HCN1: variants seen among roughly 807,000 people sequenced by gnomAD.
HCN1 encodes hyperpolarization activated cyclic nucleotide gated potassium channel 1, also known as potassium/sodium hyperpolarization-activated cyclic nucleotide-gated channel 1.
HCN1 carries 13 observed loss-of-function variants against 78.9 expected under a neutral mutation model. The ratio of observed to expected loss-of-function variants is 0.16; its 90% CI spans 0.11 to 0.26. The LOEUF is 0.26. Among genes scored for constraint, HCN1 ranks in the 10% least tolerant of loss-of-function variants. The probability of loss-of-function intolerance (pLI) is 1.00; values close to 1 mark genes in which losing one functional copy is unlikely to be tolerated. For missense variants in HCN1, 810 were observed against 1,154.3 expected (o/e 0.70, Z 4.32); for synonymous variants, 552 against 455.5 (o/e 1.21, Z -2.70).
At chr5:45,417,767 A>AC (rs1740146517) in intron 3 of HCN1, among the ~76,000 whole-genome samples, 1 of 149,886 alleles carries the variant, frequency 6.7e-6, no homozygotes, top group African/African-American at 2.4e-5. Context: ...AAAAAAAAAA[A>AC]AAAAAAAAAA....
chr5:45,477,319 A>G (rs925813343), intron 2 of HCN1, among the ~76,000 whole-genome samples: 2 of 152,190 alleles, frequency 1.3e-5, no homozygotes, highest in South Asian at 2.1e-4. Flanking sequence ...ATTGAGGAAG[A>G]CAATATAATC....
intron 2 of HCN1, among the ~76,000 whole-genome samples, chr5:45,497,775 G>A (rs1170354319): frequency 6.6e-6 from 1 of 152,206 alleles, no homozygotes; most frequent in African/African-American, 2.4e-5. Context: ...TTTTAGGGCA[G>A]GCCTGGTGGT....
At chr5:45,437,785 A>G (rs1315236633) in intron 3 of HCN1, among the ~76,000 whole-genome samples, 1 of 152,210 alleles carries the variant, frequency 6.6e-6, no homozygotes, top group African/African-American at 2.4e-5. Flanking sequence ...TTAAAAGAAT[A>G]CTTTATTATT....
chr5:45,477,793 A>G (rs1741549469), intron 2 of HCN1, among the ~76,000 whole-genome samples: 1 of 152,198 alleles, frequency 6.6e-6, no homozygotes, highest in Non-Finnish European at 1.5e-5. Context: ...ATAAGCCAAT[A>G]AAAGTATAAA....
intron 4 of HCN1, among the ~76,000 whole-genome samples, chr5:45,371,047 TG>T (rs369776033): frequency 1.2e-3 from 177 of 152,112 alleles, no homozygotes; most frequent in African/African-American, 4.2e-3. Context: ...GGACATATAT[TG>T]GGTAAACTGT....
At chr5:45,311,298 T>G (rs890717579) in intron 5 of HCN1, among the ~76,000 whole-genome samples, 1 of 152,170 alleles carries the variant, frequency 6.6e-6, no homozygotes, top group South Asian at 2.1e-4. Context: ...TATTATTACA[T>G]AATTTATATA....
chr5:45,639,399 AT>A (rs1030295036), intron 2 of HCN1, among the ~76,000 whole-genome samples: 2 of 152,218 alleles, frequency 1.3e-5, no homozygotes, highest in African/African-American at 4.8e-5. Flanking sequence ...CAGTTTAAAT[AT>A]TTCAGATAAC....
intron 3 of HCN1, among the ~76,000 whole-genome samples, chr5:45,425,634 A>C (rs923895763): frequency 6.6e-6 from 1 of 152,212 alleles, no homozygotes; most frequent in South Asian, 2.1e-4. Flanking sequence ...GTAAAGGACT[A>C]AGTAATGAAG....
At chr5:45,633,481 C>T (rs931639999) in intron 2 of HCN1, among the ~76,000 whole-genome samples, 1 of 151,860 alleles carries the variant, frequency 6.6e-6, no homozygotes, top group African/African-American at 2.4e-5. Flanking sequence ...TCCAGTGGAG[C>T]CAAAATGTGG....
At chr5:45,472,676 A>G (rs1741416813) in intron 2 of HCN1, among the ~76,000 whole-genome samples, 2 of 151,808 alleles carry the variant, frequency 1.3e-5, no homozygotes, top group African/African-American at 4.8e-5. Flanking sequence ...CCCAGTTCAG[A>G]AACATTTGGT....
intron 5 of HCN1, among the ~76,000 whole-genome samples, chr5:45,327,453 A>C (rs888470220): frequency 1.3e-5 from 2 of 151,674 alleles, no homozygotes; most frequent in Non-Finnish European, 3.0e-5. Context: ...ACACAATTCA[A>C]ACATAACAAT....
intron 2 of HCN1, among the ~76,000 whole-genome samples, chr5:45,623,778 A>G (rs1349473818): frequency 2.0e-5 from 3 of 152,226 alleles, no homozygotes; most frequent in African/African-American, 7.2e-5. Context: ...AGAGAGAGAA[A>G]CAAATGTATA....
chr5:45,539,669 G>A (rs1743050855), intron 2 of HCN1, among the ~76,000 whole-genome samples: 2 of 147,826 alleles, frequency 1.4e-5, no homozygotes, highest in Middle Eastern at 3.6e-3. Context: ...TGTCTCAAAA[G>A]AAAAGAAAGA....
At chr5:45,356,808 G>C (rs189823934) in intron 4 of HCN1, among the ~76,000 whole-genome samples, 18 of 151,962 alleles carry the variant, frequency 1.2e-4, no homozygotes, top group African/African-American at 4.3e-4. Flanking sequence ...ACAATGTAAA[G>C]GTAGATTATA....
At chr5:45,599,146 C>G (rs187752347) in intron 2 of HCN1, among the ~76,000 whole-genome samples, 42 of 152,210 alleles carry the variant, frequency 2.8e-4, no homozygotes, top group African/African-American at 9.4e-4. Context: ...ATAGCAAAGA[C>G]TTGGAACCAA....
intron 5 of HCN1, among the ~76,000 whole-genome samples, chr5:45,348,915 A>G (rs1007012375): frequency 1.3e-5 from 2 of 152,182 alleles, no homozygotes; most frequent in Non-Finnish European, 2.9e-5. Flanking sequence ...CTCCCACACA[A>G]TAATAAAGGG....
intron 5 of HCN1, among the ~76,000 whole-genome samples, chr5:45,323,411 G>C (rs1279412613): frequency 6.6e-6 from 1 of 151,570 alleles, no homozygotes; most frequent in Non-Finnish European, 1.5e-5. Flanking sequence ...CATCTTCACT[G>C]GACAGTAAGC....
chr5:45,411,983 A>T (rs1347398859), intron 3 of HCN1, among the ~76,000 whole-genome samples: 1 of 152,106 alleles, frequency 6.6e-6, no homozygotes, highest in Non-Finnish European at 1.5e-5. Context: ...AACTTTAAGG[A>T]ATATATCCAG....
rs534597705 is a variant in HCN1 at position 45,695,588 on chromosome 5, G to A, written c.425+81C>T. 2,612 of 1,413,192 alleles carry A rather than the reference G, an allele frequency of 1.8e-3. 7 individuals carry two copies. The highest frequency in any genetic ancestry group is 1.9e-3 in the Non-Finnish European group (1,964 of 1,022,278). 87.5% of individuals were successfully genotyped at this position (1,413,192 alleles called of 1,614,324 possible). On this transcript the variant is annotated intron_variant, in intron 1 of 7. Transcript: ENST00000303230. ...CCCCGCCCGCCCTCCTAGTCCCCGG[G>A]ACGCCCCCCACCCAAGGGCGGGGAA...
Sources: allele counts gnomAD v4.1 joint callset (sites outside exome capture counted in the v4.1 genomes callset), GRCh38; gene constraint gnomAD v4.1.1; transcripts MANE v1.5; gene names NCBI Gene and HGNC (gene_info 2026-07-23, HGNC 2026-07-21).